Variants in SLC15A1 observed in about 807,000 individuals in gnomAD.
SLC15A1 encodes solute carrier family 15 member 1, also known as Caco-2 oligopeptide transporter.
A neutral mutation model predicts 92.9 loss-of-function variants in SLC15A1; 83 were observed. The observed-to-expected ratio is 0.89, with a 90% CI of 0.75 to 1.07. The LOEUF (loss-of-function observed/expected upper bound fraction) is 1.07. SLC15A1 is among the 50% of genes least tolerant of loss of function. The pLI, the probability that SLC15A1 is intolerant of heterozygous loss-of-function variation, is 0.00. For missense variants in SLC15A1, 857 were observed against 880.1 expected, an observed-to-expected ratio of 0.97 and a Z score of 0.33; for synonymous variants, 322 against 318.2, an observed-to-expected ratio of 1.01 and a Z score of -0.13.
chr13:98,724,445 A>G (rs2088283196), intron 4 of SLC15A1, among the ~76,000 whole-genome samples: 1 of 152,212 alleles, frequency 6.6e-6, no homozygotes, highest in African/African-American at 2.4e-5. Context: ...TTGAAGCTGC[A>G]GTGAGCCAGG....
intron 1 of SLC15A1, among the ~76,000 whole-genome samples, chr13:98,729,347 ACTGGAAGGCAAGGC>A (rs1367613519): frequency 1.3e-5 from 2 of 152,236 alleles, no homozygotes; most frequent in Non-Finnish European, 2.9e-5. Flanking sequence ...AAGCAGCTCA[ACTGGAAGGCAAGGC>A]CTGCCTCTGT....
chr13:98,733,799 C>T (rs141204951), intron 1 of SLC15A1, among the ~76,000 whole-genome samples: 44 of 152,224 alleles, frequency 2.9e-4, no homozygotes, highest in African/African-American at 6.0e-4. Flanking sequence ...TCTTCATCTG[C>T]GATATAGTTT....
chr13:98,703,703 T>C (rs556292661), intron 17 of SLC15A1, among the ~76,000 whole-genome samples: 1 of 151,826 alleles, frequency 6.6e-6, no homozygotes, highest in Non-Finnish European at 1.5e-5. Context: ...ACGACAGGCA[T>C]GCACCACCAC....
At chr13:98,707,927 C>T (rs945357916) in intron 15 of SLC15A1, among the ~76,000 whole-genome samples, 7 of 129,138 alleles carry the variant, frequency 5.4e-5, no homozygotes, top group African/African-American at 1.0e-4. Context: ...AAAAAGAATA[C>T]GGTAAATGTT....
At position 98,726,401 on chromosome 13, in the gene SLC15A1, A is replaced by G. The variant is rs368027304; in HGVS notation, c.70T>C (p.Phe24Leu). Residue 24 changes from phenylalanine to leucine, a missense_variant, in exon 3 of 23, where the codon TTT becomes CTT. Physicochemically the swap from Phe to Leu is conservative, Grantham distance 22. Transcript: ENST00000376503. Reference sequence around the variant, plus strand: ...CCATAGTAGGAAAATCTTTCGCAAAACTCATTGACCACGATGAAGAAGATG... The same window carrying G: ...CCATAGTAGGAAAATCTTTCGCAAAGCTCATTGACCACGATGAAGAAGATG... The part of the protein sequence containing the change: ...LSIFFIVVNE[F>L]CERFSYYGMR... The G allele has an allele frequency of 8.1e-6, 13 of 1,614,130 alleles. No homozygotes were observed. Among genetic ancestry groups the G allele is most frequent in the Non-Finnish European group, 1.1e-5 (13 of 1,180,040 alleles).
chr13:98,705,267 C>T (rs6491441), intron 16 of SLC15A1, among the ~76,000 whole-genome samples: 5,982 of 150,962 alleles, frequency 0.04, 197 homozygotes, highest in East Asian at 0.094. Context: ...CAAAGCTCTC[C>T]GGGTGATTCT....
chr13:98,752,646 T>TG lies in SLC15A1; in HGVS notation c.-49dup, dbSNP rs1319176848. On this transcript the variant is annotated 5_prime_UTR_variant, in exon 1 of 23. Transcript: ENST00000376503. The stretch of plus-strand genomic sequence containing the variant: ...GCGACCTGCCGGCGGGACGTGCTCC[T>TG]GGCAGGTGCTACTCCTCCGACCTGA... The TG allele has an allele frequency of 8.0e-7, 1 of 1,245,832 alleles. No individual in the cohort carries two copies. Among genetic ancestry groups the TG allele is most frequent in the East Asian group, 3.2e-5 (1 of 31,638 alleles). 77.2% of individuals were successfully genotyped at this position (1,245,832 alleles called of 1,614,324 possible).
chr13:98,738,642 T>C (rs1329012896), intron 1 of SLC15A1, among the ~76,000 whole-genome samples: 4 of 152,162 alleles, frequency 2.6e-5, no homozygotes, highest in African/African-American at 9.7e-5. Context: ...ACTGCAAAAG[T>C]GAGGGAGGCT....
At chr13:98,710,127 T>G (rs1470389894) in intron 11 of SLC15A1, among the ~76,000 whole-genome samples, 1 of 152,050 alleles carries the variant, frequency 6.6e-6, no homozygotes, top group Non-Finnish European at 1.5e-5. Flanking sequence ...CAATACGGAG[T>G]GCTCCAACCC....
chr13:98,729,223 C>T (rs1009226556), intron 1 of SLC15A1, among the ~76,000 whole-genome samples: 1 of 151,726 alleles, frequency 6.6e-6, no homozygotes, highest in Non-Finnish European at 1.5e-5. Flanking sequence ...TATTAAAAAT[C>T]ATATGTACCC....
intron 8 of SLC15A1, 99 bp from the exon 9 acceptor site, chr13:98,716,059 G>A: frequency 1.0e-6 from 1 of 986,418 alleles, no homozygotes. Flanking sequence ...TTTGTTTTGG[G>A]ATAATGGGAT....
At chr13:98,708,213 C>T (rs1390815823) in intron 15 of SLC15A1, among the ~76,000 whole-genome samples, 1 of 152,124 alleles carries the variant, frequency 6.6e-6, no homozygotes, top group African/African-American at 2.4e-5. Flanking sequence ...TTTCTAGGAA[C>T]TGATCTCAGA....
intron 14 of SLC15A1, 24 bp downstream of exon 14, chr13:98,709,548 C>A (rs371159252): frequency 5.0e-6 from 8 of 1,610,288 alleles, no homozygotes; most frequent in Non-Finnish European, 6.8e-6. Context: ...GAGCCTCAAC[C>A]AACCCAACCC....
intron 1 of SLC15A1, among the ~76,000 whole-genome samples, chr13:98,733,036 A>C (rs1476584763): frequency 2.0e-5 from 3 of 152,166 alleles, no homozygotes; most frequent in African/African-American, 7.2e-5. Context: ...AATCAGTCAG[A>C]AAAGGTGAAA....
chr13:98,708,724 C>T lies in SLC15A1; in HGVS notation c.1111G>A (p.Ala371Thr), dbSNP rs1280006388. The change falls in exon 15 of 23, where the codon GCC becomes ACC. Residue 371 changes from alanine to threonine, a missense_variant. By Grantham distance (58) the Ala-to-Thr change is moderately conservative. Coordinates refer to ENST00000376503, the MANE Select transcript of SLC15A1 (RefSeq NM_005073.4). ...TGCACGATGGCAGCCACCACAAAGG[C>T]CATGGAGGCCAGGACCATGCCAACT... ...MAVGMVLASM[A>T]FVVAAIVQVE... is the part of the protein sequence containing the mutation. 2 of 1,613,374 alleles carry T rather than the reference C, an allele frequency of 1.2e-6. No homozygotes were observed. Among genetic ancestry groups the T allele is most frequent in the African/African-American group, 2.7e-5 (2 of 74,870 alleles).
At chr13:98,686,949 C>CT (rs11309992) in intron 21 of SLC15A1, among the ~76,000 whole-genome samples, 38,659 of 131,238 alleles carry the variant, frequency 0.29, 5,944 homozygotes, top group East Asian at 0.49. Flanking sequence ...TCTTTTTCTT[C>CT]TTTTTTTTTT....
chr13:98,724,889 T>A (rs1464683330), intron 4 of SLC15A1, among the ~76,000 whole-genome samples: 1 of 152,226 alleles, frequency 6.6e-6, no homozygotes, highest in Non-Finnish European at 1.5e-5. Flanking sequence ...TTCTTTCTTC[T>A]GTCCATGCTA....
In SLC15A1 at chr13:98,687,675, G is replaced by C. The variant is rs1474293290; in HGVS notation, c.1733C>G (p.Thr578Arg). Residue 578 changes from threonine (T) to arginine (R), a missense_variant, in exon 21 of 23, where the codon ACA (threonine) becomes AGA (arginine). Physicochemically the swap from Thr to Arg is moderately conservative, Grantham distance 71. Transcript: ENST00000376503. Reference protein sequence around the residue: ...VKVFEDISANTVNMALQIPQY... With the variant: ...VKVFEDISANRVNMALQIPQY... ...CGGGATTTGCAGAGCCATGTTAACT[G>C]TGTTGGCTGAAATATCTTCAAACAC... The C allele has an allele frequency of 6.2e-7, 1 of 1,614,178 alleles. No homozygotes were observed. Among genetic ancestry groups the C allele is most frequent in the Non-Finnish European group, 8.5e-7 (1 of 1,180,014 alleles).
intron 1 of SLC15A1, among the ~76,000 whole-genome samples, chr13:98,727,076 C>A (rs555934520): frequency 6.6e-6 from 1 of 152,142 alleles, no homozygotes; most frequent in Non-Finnish European, 1.5e-5. Context: ...AGGCAATTCT[C>A]GTATGCAGTC....
Sources: allele counts gnomAD v4.1 joint callset (sites outside exome capture counted in the v4.1 genomes callset), GRCh38; gene constraint gnomAD v4.1.1; transcripts MANE v1.5; gene names NCBI Gene and HGNC (gene_info 2026-07-23, HGNC 2026-07-21).